PABPC4L: variants seen among roughly 807,000 people sequenced by gnomAD.
PABPC4L encodes the protein poly(A) binding protein cytoplasmic 4 like, also known as polyadenylate-binding protein 4-like.
For synonymous variants in PABPC4L, 169 were observed against 164.1 expected, an observed-to-expected ratio of 1.03 and a Z score of -0.23; for missense variants, 452 against 451.4, an observed-to-expected ratio of 1.00 and a Z score of -0.01.
the PABPC4L span, among the ~76,000 whole-genome samples, chr4:134,154,562 A>G: frequency 1.3e-5 from 2 of 152,132 alleles, no homozygotes; most frequent in African/African-American, 2.4e-5. Context: ...TGATTCCTCT[A>G]TAAACATTGC....
At chr4:134,092,923 A>G in the PABPC4L span, among the ~76,000 whole-genome samples, 3 of 152,030 alleles carry the variant, frequency 2.0e-5, no homozygotes, top group Non-Finnish European at 4.4e-5. Flanking sequence ...ATTTTTTTCT[A>G]CGGAAATTTG....
the PABPC4L span, among the ~76,000 whole-genome samples, chr4:134,122,213 A>G: frequency 6.6e-6 from 1 of 151,756 alleles, no homozygotes; most frequent in Non-Finnish European, 1.5e-5. Flanking sequence ...ACACTATCAA[A>G]TCAGCGTTCA....
At chr4:133,953,139 T>C in the PABPC4L span, among the ~76,000 whole-genome samples, 1 of 152,162 alleles carries the variant, frequency 6.6e-6, no homozygotes, top group South Asian at 2.1e-4. Flanking sequence ...CTCTTCCTTT[T>C]TCCATTCCAG....
the PABPC4L span, among the ~76,000 whole-genome samples, chr4:133,982,410 T>G: frequency 1.3e-5 from 2 of 152,012 alleles, no homozygotes; most frequent in South Asian, 4.1e-4. Flanking sequence ...AATTATTCAG[T>G]AGTCCAGGAC....
At chr4:134,035,293 T>A in the PABPC4L span, among the ~76,000 whole-genome samples, 1 of 152,080 alleles carries the variant, frequency 6.6e-6, no homozygotes, top group Non-Finnish European at 1.5e-5. Flanking sequence ...GGTGACTTGC[T>A]TTAGTGCTCT....
At chr4:134,018,785 A>G in the PABPC4L span, among the ~76,000 whole-genome samples, 5 of 152,118 alleles carry the variant, frequency 3.3e-5, no homozygotes, top group African/African-American at 1.2e-4. Context: ...TTAAAATATA[A>G]TTAATTGATG....
At chr4:134,111,551 G>T in the PABPC4L span, among the ~76,000 whole-genome samples, 6 of 151,746 alleles carry the variant, frequency 4.0e-5, no homozygotes, top group South Asian at 1.2e-3. Context: ...TAGAGAACCA[G>T]GACTATTGCA....
chr4:134,114,010 C>T, the PABPC4L span, among the ~76,000 whole-genome samples: 2 of 151,690 alleles, frequency 1.3e-5, no homozygotes, highest in Non-Finnish European at 2.9e-5. Flanking sequence ...TTAAATTCAG[C>T]GGAACACTTT....
the PABPC4L span, among the ~76,000 whole-genome samples, chr4:134,011,388 G>GA: frequency 6.6e-6 from 1 of 151,580 alleles, no homozygotes; most frequent in African/African-American, 2.4e-5. Flanking sequence ...ATAGAATGCT[G>GA]AAAAAAAATT....
At chr4:134,056,038 C>T in the PABPC4L span, among the ~76,000 whole-genome samples, 1 of 151,772 alleles carries the variant, frequency 6.6e-6, no homozygotes, top group African/African-American at 2.4e-5. Context: ...CTATTGATGT[C>T]CAAATTGCTA....
chr4:134,164,513 C>A, the PABPC4L span, among the ~76,000 whole-genome samples: 1 of 152,006 alleles, frequency 6.6e-6, no homozygotes, highest in Non-Finnish European at 1.5e-5. Context: ...AACAAGAATG[C>A]AATCCCTTTT....
At chr4:134,071,301 T>G in the PABPC4L span, among the ~76,000 whole-genome samples, 1 of 152,096 alleles carries the variant, frequency 6.6e-6, no homozygotes, top group East Asian at 1.9e-4. Flanking sequence ...TGCCTTCCTC[T>G]GAAGATACAC....
the PABPC4L span, among the ~76,000 whole-genome samples, chr4:134,012,556 G>C: frequency 9.9e-5 from 15 of 152,242 alleles, no homozygotes; most frequent in Admixed American, 6.5e-5. Context: ...CTGCACCCAG[G>C]TGATTAAAAG....
the PABPC4L span, among the ~76,000 whole-genome samples, chr4:134,154,960 G>GT: frequency 6.6e-6 from 1 of 152,042 alleles, no homozygotes; most frequent in African/African-American, 2.4e-5. Flanking sequence ...TATTGTAGAT[G>GT]TTTTTTCTTT....
chr4:134,029,568 A>T, the PABPC4L span, among the ~76,000 whole-genome samples: 16,482 of 152,084 alleles, frequency 0.11, 949 homozygotes, highest in Admixed American at 0.13. Flanking sequence ...GCTTAGCTAG[A>T]TATACAGAAT....
the PABPC4L span, among the ~76,000 whole-genome samples, chr4:134,049,635 G>A: frequency 6.6e-6 from 1 of 152,136 alleles, no homozygotes; most frequent in Admixed American, 6.5e-5. Context: ...TAATGTAGCT[G>A]ACTACTCTGC....
the PABPC4L span, among the ~76,000 whole-genome samples, chr4:134,065,385 A>G: frequency 2.0e-5 from 3 of 151,928 alleles, no homozygotes; most frequent in Non-Finnish European, 4.4e-5. Flanking sequence ...GGCTGTACGT[A>G]TGTCTTCTTT....
the PABPC4L span, among the ~76,000 whole-genome samples, chr4:134,028,775 G>T: frequency 6.6e-6 from 1 of 152,096 alleles, no homozygotes; most frequent in Non-Finnish European, 1.5e-5. Context: ...ACTCTCATTA[G>T]CACTCCTGTG....
chr4:133,980,185 G>A, the PABPC4L span, among the ~76,000 whole-genome samples: 2 of 152,104 alleles, frequency 1.3e-5, no homozygotes, highest in Admixed American at 6.6e-5. Context: ...TAGACAAACA[G>A]TATTTTTGTA....
Sources: allele counts gnomAD v4.1 joint callset (sites outside exome capture counted in the v4.1 genomes callset), GRCh38; gene constraint gnomAD v4.1.1; transcripts MANE v1.5; gene names NCBI Gene and HGNC (gene_info 2026-07-23, HGNC 2026-07-21).